Variants in CDK13 observed in about 807,000 individuals in gnomAD.
The protein encoded by CDK13 is cyclin dependent kinase 13.
A neutral mutation model predicts 137.6 loss-of-function variants in CDK13; 40 were observed. The observed-to-expected ratio is 0.29, with a 90% CI of 0.23 to 0.38. The LOEUF (loss-of-function observed/expected upper bound fraction) is 0.38, where lower values mean the gene tolerates loss of function less well. Ranked by LOEUF, CDK13 falls within the 10% of genes least tolerant of loss-of-function variation. The probability of loss-of-function intolerance (pLI) is 1.00; values close to 1 mark genes in which losing one functional copy is unlikely to be tolerated. For synonymous variants in CDK13, 869 were observed against 760.1 expected (o/e 1.14, Z -2.36); for missense variants, 1,704 against 1,951.8 (o/e 0.87, Z 2.39).
At chr7:39,997,409 A>G (rs965093456) in intron 2 of CDK13, 85 bp from the exon 3 acceptor site, 31 of 992,142 alleles carry the variant, frequency 3.1e-5, no homozygotes, top group African/African-American at 1.3e-4. Flanking sequence ...ATTCATGACT[A>G]TTGCTACTTA....
intron 5 of CDK13, among the ~76,000 whole-genome samples, chr7:40,029,923 A>T (rs1359009552): frequency 1.3e-5 from 2 of 152,098 alleles, no homozygotes; most frequent in Non-Finnish European, 2.9e-5. Context: ...AAGTACTGGG[A>T]TTGCAGGCAT....
Position 40,078,754 on chromosome 7 carries a change from A to G in CDK13, c.2932A>G (p.Met978Val). The G allele has an allele frequency of 6.5e-7, 1 of 1,548,546 alleles. No homozygotes were observed. Among genetic ancestry groups the G allele is most frequent in the Non-Finnish European group, 8.7e-7 (1 of 1,145,440 alleles). Residue 978 changes from methionine (M) to valine (V), a missense_variant, in exon 11 of 14, where the codon ATG (methionine) becomes GTG (valine). Met to Val is a conservative substitution (Grantham distance 21). Transcript: ENST00000181839. ...PAAALDLFDY[M>V]LALDPSKRCT... ...AGCTGCGCTAGACTTATTTGATTAC[A>G]TGCTTGCCTTGGATCCTAGTAAGCG...
intron 1 of CDK13, chr7:39,952,372 C>A (rs1412012851): frequency 6.6e-6 from 1 of 152,314 alleles, no homozygotes; most frequent in Admixed American, 6.6e-5. Context: ...GAGAAGCAGC[C>A]TTTCTGTAAA....
chr7:39,955,953 C>T (rs1337948678), intron 1 of CDK13, among the ~76,000 whole-genome samples: 1 of 151,168 alleles, frequency 6.6e-6, no homozygotes, highest in Non-Finnish European at 1.5e-5. Flanking sequence ...ATAATAAGAA[C>T]CTAAGAATCT....
intron 9 of CDK13, among the ~76,000 whole-genome samples, chr7:40,074,359 A>G (rs909668296): frequency 3.3e-5 from 5 of 152,004 alleles, no homozygotes; most frequent in Non-Finnish European, 7.4e-5. Flanking sequence ...TGTCTCTACT[A>G]AAAATACAAA....
chr7:40,001,076 G>A lies in CDK13; in HGVS notation c.2183-785G>A, dbSNP rs75766083. 4.6e-5 allele frequency among the ~76,000 whole-genome samples: 7 copies of A among 151,898 alleles called. No individual in the cohort carries two copies. In the East Asian group the frequency reaches 5.8e-4, roughly 13 times the overall value. ...GTTTGGTCAAGTAATATGTCTGAGC[G>A]TATTTTTTTCACTGATAGAGTTTTT... On this transcript the variant is annotated intron_variant, in intron 4 of 13. Coordinates refer to ENST00000181839, the MANE Select transcript of CDK13 (RefSeq NM_003718.5).
chr7:39,985,911 A>T (rs1173789408), intron 1 of CDK13: 1 of 152,172 alleles, frequency 6.6e-6, no homozygotes, highest in Non-Finnish European at 1.5e-5. Flanking sequence ...CGGTGGAGGG[A>T]TGCAGCTTCT....
rs1455117657 is a variant in CDK13 at position 40,097,749 on chromosome 7, C to T, written c.*2769C>T. The T allele has an allele frequency of 6.6e-6, 1 of 152,094 alleles. No homozygotes were observed. The highest frequency in any genetic ancestry group is 1.5e-5 in the Non-Finnish European group (1 of 67,978). 9.4% of individuals were successfully genotyped at this position (152,094 alleles called of 1,614,324 possible). On this transcript the variant is annotated 3_prime_UTR_variant, in exon 14 of 14. Coordinates refer to ENST00000181839, the MANE Select transcript of CDK13 (RefSeq NM_003718.5). Reference sequence around the variant, plus strand: ...TTTCTGCATGCAACTCAGTATGTTTCCTACGTCTTCATTATTTGTTGGAGA... The same window carrying T: ...TTTCTGCATGCAACTCAGTATGTTTTCTACGTCTTCATTATTTGTTGGAGA...
chr7:40,024,678 TCCTGAGACAGAG>T (rs1562735278), intron 5 of CDK13, among the ~76,000 whole-genome samples: 86 of 93,084 alleles, frequency 9.2e-4, no homozygotes, highest in African/African-American at 3.0e-3. Flanking sequence ...TTTTTTTTTT[TCCTGAGACAGAG>T]TCTTGCTCTT....
At chr7:39,966,086 A>G (rs1225193684) in intron 1 of CDK13, among the ~76,000 whole-genome samples, 1 of 152,052 alleles carries the variant, frequency 6.6e-6, no homozygotes, top group Non-Finnish European at 1.5e-5. Flanking sequence ...GAATCTGACA[A>G]TTACGTGTCT....
At chr7:40,048,808 C>A (rs1244315305) in intron 7 of CDK13, 1 of 151,414 alleles carries the variant, frequency 6.6e-6, no homozygotes, top group Non-Finnish European at 1.5e-5. Context: ...GCGCCTGTGA[C>A]ATAATTCTGG....
At chr7:39,971,890 GAAAAACAAA>G (rs1784006835) in intron 1 of CDK13, among the ~76,000 whole-genome samples, 1 of 151,036 alleles carries the variant, frequency 6.6e-6, no homozygotes, top group South Asian at 2.1e-4. Context: ...GACAAAAAAT[GAAAAACAAA>G]AAAAACAAAA....
At chr7:40,022,523 T>C (rs866272364) in intron 5 of CDK13, among the ~76,000 whole-genome samples, 1 of 152,130 alleles carries the variant, frequency 6.6e-6, no homozygotes, top group Non-Finnish European at 1.5e-5. Context: ...GTAACAAATA[T>C]TTGTTGAGCA....
At chr7:40,032,189 T>C (rs1405116392) in intron 5 of CDK13, among the ~76,000 whole-genome samples, 1 of 152,186 alleles carries the variant, frequency 6.6e-6, no homozygotes, top group Non-Finnish European at 1.5e-5. Context: ...CCTGAGTAGC[T>C]GGGACCAAAG....
chr7:39,978,240 T>C lies in CDK13; in HGVS notation c.1212-9359T>C, dbSNP rs1295470691. ...GGAAACAGCCATAGAAGTAAGAAAA[T>C]CATGAAGATGAAAGGTAGTAGAAAT... On this transcript the variant is annotated intron_variant, in intron 1 of 13. Coordinates refer to ENST00000181839, the MANE Select transcript of CDK13 (RefSeq NM_003718.5). Among the ~76,000 whole-genome samples, 4 of 151,980 alleles carry C rather than the reference T, an allele frequency of 2.6e-5. No homozygotes were observed. The East Asian group carries it at 7.7e-4, about 29-fold the overall frequency.
rs371566821 is a variant in CDK13, at chr7:39,987,687, C to T, written c.1300C>T (p.Arg434Cys). 5.0e-6 allele frequency: 8 copies of T among 1,613,858 alleles called. No individual in the cohort carries two copies. Among genetic ancestry groups the T allele is most frequent in the African/African-American group, 1.3e-5 (1 of 74,954 alleles). ...GCACAGATTGTCTAGATCCAGAAGTCGTCATTCTAGTATTTCTCCTAGCAC... is the reference window on the plus strand; with the variant it reads ...GCACAGATTGTCTAGATCCAGAAGTTGTCATTCTAGTATTTCTCCTAGCAC... ...SRHRLSRSRS[R>C]HSSISPSTLT... Residue 434 changes from arginine (R) to cysteine (C), a missense_variant, in exon 2 of 14, where the codon CGT becomes TGT. By Grantham distance (180) the Arg-to-Cys change is radical (BLOSUM62 -3). This residue lies in a region of CDK13 where 1,051 missense variants were observed against 931.0 expected (regional missense o/e 1.13). Coordinates refer to ENST00000181839, the MANE Select transcript of CDK13 (RefSeq NM_003718.5).
intron 11 of CDK13, among the ~76,000 whole-genome samples, chr7:40,084,713 A>G (rs900043566): frequency 1.8e-4 from 27 of 152,256 alleles, no homozygotes; most frequent in African/African-American, 6.5e-4. Flanking sequence ...TTAAATGATC[A>G]GTGATGTCAA....
intron 6 of CDK13, among the ~76,000 whole-genome samples, chr7:40,046,772 C>T (rs928116638): frequency 5.9e-5 from 9 of 152,052 alleles, no homozygotes; most frequent in African/African-American, 2.2e-4. Context: ...GAGGATGAGG[C>T]AGATGGATCA....
chr7:40,002,107 A>C, intron 5 of CDK13, 76 bp downstream of exon 5: 1 of 973,914 alleles, frequency 1.0e-6, no homozygotes, highest in African/African-American at 1.6e-5. Context: ...TTTTTTATAG[A>C]TGTGACTATT....
Sources: gnomAD v4.1 joint callset for allele counts (sites outside exome capture counted in the v4.1 genomes callset) on GRCh38, gnomAD v4.1.1 for gene constraint, gnomAD v4.1.1 regional missense constraint, MANE v1.5 for transcripts, NCBI Gene and HGNC (gene_info 2026-07-23, HGNC 2026-07-21) for gene names.